The following BDNF variants were observed in gnomAD, a reference collection of about 807,000 sequenced individuals.
BDNF encodes the protein brain derived neurotrophic factor.
Under a neutral mutation model 19.5 loss-of-function variants are expected in BDNF, and 1 was observed. The observed-to-expected ratio is 0.05, with a 90% CI of 0.02 to 0.24. The LOEUF is 0.24. Among genes scored for constraint, BDNF ranks in the 10% least tolerant of loss-of-function variants. The pLI is 1.00. For synonymous variants in BDNF, 100 were observed against 121.6 expected, an observed-to-expected ratio of 0.82 and a Z score of 1.17; for missense variants, 195 against 317.6, an observed-to-expected ratio of 0.61 and a Z score of 2.93.
chr11:27,678,198 C>T (rs559395937), intron 1 of BDNF, among the ~76,000 whole-genome samples: 10 of 152,302 alleles, frequency 6.6e-5, no homozygotes, highest in African/African-American at 2.4e-4. Flanking sequence ...CGTATACACA[C>T]CCTGCCTAAC....
intron 1 of BDNF, among the ~76,000 whole-genome samples, chr11:27,721,200 C>T (rs779337897): frequency 5.9e-5 from 9 of 152,024 alleles, no homozygotes; most frequent in Non-Finnish European, 1.3e-4. Context: ...ACCCCCCCAC[C>T]CAGCTCCAAG....
Position 27,676,308 on chromosome 11 carries a change from A to G in BDNF, c.-21-17723T>C, listed in dbSNP as rs574118300. Among the ~76,000 whole-genome samples, 171 of 152,312 alleles carry G rather than the reference A, an allele frequency of 1.1e-3. No individual in the cohort carries two copies. The South Asian group carries it at 0.014, about 13-fold the overall frequency. On this transcript the variant is annotated intron_variant, in intron 1 of 1. Transcript: ENST00000356660. ...AGGGGAAGAGGAGTGACTTTCCCCT[A>G]TACAGTGGCCCTGTCAAAATTCTAT...
At chr11:27,701,472 G>A, upstream of BDNF, 1 of 990,602 alleles carries the variant, frequency 1.0e-6, no homozygotes, top group African/African-American at 1.7e-5. Flanking sequence ...CAGCAAAGAA[G>A]TTAAATTATT....
rs61888805 is a variant in BDNF at position 27,716,456 on chromosome 11, G to C, written c.3+4956C>G. 5.1e-4 allele frequency among the ~76,000 whole-genome samples: 75 copies of C among 146,840 alleles called. 1 individual carries two copies. Among genetic ancestry groups the C allele is most frequent in the Admixed American group, 6.8e-4 (10 of 14,700 alleles). ...ACACGCCCATACACACACACACACA[G>C]ACACACACACACACACACACACACA... On this transcript the variant is annotated intron_variant, in intron 1 of 1. Transcript: ENST00000314915.
chr11:27,708,348 G>A (rs1207069423), intron 1 of BDNF, among the ~76,000 whole-genome samples: 12 of 152,070 alleles, frequency 7.9e-5, no homozygotes, highest in East Asian at 5.8e-4. Flanking sequence ...CATCTTGTCC[G>A]CACACAAAAA....
At chr11:27,670,593 G>C (rs1348583595) in intron 1 of BDNF, among the ~76,000 whole-genome samples, 1 of 152,176 alleles carries the variant, frequency 6.6e-6, no homozygotes, top group Non-Finnish European at 1.5e-5. Context: ...CAAAAAGTGG[G>C]TGAAGGATAT....
upstream of BDNF, chr11:27,701,095 C>A: frequency 7.6e-7 from 1 of 1,314,514 alleles, no homozygotes; most frequent in Non-Finnish European, 1.0e-6. Context: ...AGTTCGCGCA[C>A]TGACCTCTCT....
intron 1 of BDNF, chr11:27,720,781 C>G (rs1322933942): frequency 2.0e-6 from 2 of 987,662 alleles, no homozygotes; most frequent in Non-Finnish European, 2.4e-6. Flanking sequence ...CTTGATATTG[C>G]TCTAGACGGT....
At chr11:27,701,531 G>A (rs968768541), upstream of BDNF, 31 of 987,942 alleles carry the variant, frequency 3.1e-5, no homozygotes, top group Non-Finnish European at 3.6e-5. Flanking sequence ...CCATCAGCGA[G>A]AAGCTCCATT....
At chr11:27,681,105 A>C (rs1342711961) in intron 1 of BDNF, among the ~76,000 whole-genome samples, 1 of 152,200 alleles carries the variant, frequency 6.6e-6, no homozygotes, top group Non-Finnish European at 1.5e-5. Flanking sequence ...ATTAGGAAGC[A>C]AGTTCCCTTG....
chr11:27,712,220 G>C (rs79187269), intron 1 of BDNF, among the ~76,000 whole-genome samples: 5,575 of 152,298 alleles, frequency 0.037, 137 homozygotes, highest in South Asian at 0.068. Flanking sequence ...TGCTTCTCAA[G>C]TGTTCTGTTG....
Position 27,658,798 on chromosome 11 carries a change from C to A in BDNF, c.-21-213G>T. The A allele has an allele frequency of 7.0e-7, 1 of 1,437,260 alleles. No individual in the cohort carries two copies. Among genetic ancestry groups the A allele is most frequent in the Non-Finnish European group, 9.1e-7 (1 of 1,093,550 alleles). 89.0% of individuals were successfully genotyped at this position (1,437,260 alleles called of 1,614,324 possible). A position where few individuals can be genotyped will look rare whatever the true frequency, so the allele number is the denominator to read the frequency against. ...ATAAACCAGAGACATGCAGTGTTTC[C>A]CCCAAGATCTAGCATATAAACCTGA... On this transcript the variant is annotated intron_variant, in intron 1 of 1. Coordinates refer to ENST00000356660, the MANE Select transcript of BDNF (RefSeq NM_001709.5). The surrounding 1 kb of genome is among the most constrained non-coding windows in gnomAD (Gnocchi z 5.7).
At chr11:27,662,128 G>A (rs952313286) in intron 1 of BDNF, among the ~76,000 whole-genome samples, 1 of 152,132 alleles carries the variant, frequency 6.6e-6, no homozygotes, top group Non-Finnish European at 1.5e-5. Flanking sequence ...TCAGCAGGAG[G>A]TAGCTGGGAT....
intron 1 of BDNF, among the ~76,000 whole-genome samples, chr11:27,671,461 T>A (rs1358654910): frequency 6.6e-6 from 1 of 152,138 alleles, no homozygotes; most frequent in African/African-American, 2.4e-5. Context: ...GTAACACAGG[T>A]ATTTAAATTG....
At chr11:27,670,044 C>T (rs1208061084) in intron 1 of BDNF, among the ~76,000 whole-genome samples, 1 of 152,176 alleles carries the variant, frequency 6.6e-6, no homozygotes, top group Non-Finnish European at 1.5e-5. Flanking sequence ...CAGCATGGTA[C>T]TGGTACCAAA....
chr11:27,709,726 A>G (rs1245679755), intron 1 of BDNF, among the ~76,000 whole-genome samples: 1 of 151,632 alleles, frequency 6.6e-6, no homozygotes, highest in East Asian at 1.9e-4. Context: ...AGGGCCATAT[A>G]ATTGTTTATT....
intron 1 of BDNF, chr11:27,699,481 C>G: frequency 1.2e-6 from 2 of 1,614,044 alleles, no homozygotes; most frequent in East Asian, 4.5e-5. Context: ...CTCTTAACTT[C>G]CCTGGAGGGC....
chr11:27,675,366 A>G (rs1855947345), intron 1 of BDNF: 1 of 152,218 alleles, frequency 6.6e-6, no homozygotes, highest in South Asian at 2.1e-4. Context: ...AAAACTATGC[A>G]TGAAGGTCAT....
chr11:27,719,152 G>C (rs370678933), intron 1 of BDNF, among the ~76,000 whole-genome samples: 1 of 152,180 alleles, frequency 6.6e-6, no homozygotes, highest in Non-Finnish European at 1.5e-5. Context: ...GCGGGGGCGG[G>C]AGAGGTAGAA....
Sources: allele counts gnomAD v4.1 joint callset (sites outside exome capture counted in the v4.1 genomes callset), GRCh38; gene constraint gnomAD v4.1.1; non-coding constraint Gnocchi (gnomAD v3.1); transcripts MANE v1.5; gene names NCBI Gene and HGNC (gene_info 2026-07-23, HGNC 2026-07-21).